Variants in MSRA observed in about 807,000 individuals in gnomAD.
MSRA encodes methionine sulfoxide reductase A, also known as mitochondrial peptide methionine sulfoxide reductase.
Under a neutral mutation model 31.3 loss-of-function variants are expected in MSRA, and 54 were observed. The ratio of observed to expected loss-of-function variants is 1.73; its 90% CI spans 1.39 to 2.17. The LOEUF is 2.17. Ranked by LOEUF, MSRA falls within the 30% of genes most tolerant of loss-of-function variation. MSRA has a pLI of 0.00. For missense variants in MSRA, 507 were observed against 300.9 expected (o/e 1.69, Z -5.07); for synonymous variants, 169 against 116.5 (o/e 1.45, Z -2.90).
rs750163008 is a variant in MSRA at position 10,428,262 on chromosome 8, T to C, written c.658T>C (p.Cys220Arg). The C allele has an allele frequency of 3.7e-6, 6 of 1,613,990 alleles. No homozygotes were observed. Among genetic ancestry groups the C allele is most frequent in the Non-Finnish European group, 4.2e-6 (5 of 1,179,976 alleles). The change falls in exon 6 of 6, where the codon TGC (cysteine) becomes CGC (arginine). Residue 220 changes from cysteine (C) to arginine (R), a missense_variant. By Grantham distance (180) the Cys-to-Arg change is radical (BLOSUM62 -3). Coordinates refer to ENST00000317173, the MANE Select transcript of MSRA (RefSeq NM_012331.5). ...CCTGAGCAAGAACCCCAATGGCTAC[T>C]GCGGCCTTGGGGGCACCGGCGTGTC... ...QYLSKNPNGY[C>R]GLGGTGVSCP...
chr8:10,408,590 T>C (rs1807964349), intron 5 of MSRA, among the ~76,000 whole-genome samples: 2 of 152,196 alleles, frequency 1.3e-5, no homozygotes, highest in African/African-American at 4.8e-5. Flanking sequence ...CAGGTTTTAA[T>C]TTAATTTGTT....
intron 5 of MSRA, among the ~76,000 whole-genome samples, chr8:10,404,230 A>G (rs1226327673): frequency 1.3e-5 from 2 of 152,100 alleles, no homozygotes; most frequent in South Asian, 2.1e-4. Context: ...CTCCTCCTCC[A>G]CAAATAGCAA....
intron 5 of MSRA, among the ~76,000 whole-genome samples, chr8:10,367,555 G>A (rs1221612320): frequency 3.9e-5 from 6 of 152,248 alleles, no homozygotes; most frequent in African/African-American, 1.4e-4. Flanking sequence ...GGCATGCACT[G>A]TAGGTCTTAT....
intron 2 of MSRA, among the ~76,000 whole-genome samples, chr8:10,212,163 G>A (rs564008949): frequency 2.0e-5 from 3 of 151,778 alleles, no homozygotes; most frequent in South Asian, 4.2e-4. Context: ...CTCCAGCCTA[G>A]GTAACAGAGC....
At chr8:10,297,400 G>A (rs1249643092) in intron 3 of MSRA, among the ~76,000 whole-genome samples, 3 of 152,178 alleles carry the variant, frequency 2.0e-5, no homozygotes, top group Non-Finnish European at 4.4e-5. Flanking sequence ...TAACAAGCAT[G>A]TTTGCACGTC....
intron 3 of MSRA, among the ~76,000 whole-genome samples, chr8:10,295,398 C>G (rs552536134): frequency 2.2e-5 from 3 of 134,518 alleles, no homozygotes. Flanking sequence ...CGTTCTTACT[C>G]CTTCCTTCTC....
At chr8:10,296,044 T>C (rs1800523596) in intron 3 of MSRA, among the ~76,000 whole-genome samples, 1 of 152,174 alleles carries the variant, frequency 6.6e-6, no homozygotes. Context: ...GGGTAATCGC[T>C]TTGAGAAATG....
chr8:10,399,467 G>A (rs756052932), intron 5 of MSRA, among the ~76,000 whole-genome samples: 3 of 152,106 alleles, frequency 2.0e-5, no homozygotes, highest in Non-Finnish European at 4.4e-5. Flanking sequence ...TTCACGTGAG[G>A]GTGTGGTGCC....
chr8:10,220,066 A>G lies in MSRA; in HGVS notation c.211+12165A>G, dbSNP rs376950682. On this transcript the variant is annotated intron_variant, in intron 2 of 5. Transcript: ENST00000317173. Reference sequence around the variant, plus strand: ...TACCTTAGGCCCAAGTAGTGTGAACAGTGATGCAAGAACCTGTGAACTTTC... The same window carrying G: ...TACCTTAGGCCCAAGTAGTGTGAACGGTGATGCAAGAACCTGTGAACTTTC... Among the ~76,000 whole-genome samples, 4 of 152,292 alleles carry G rather than the reference A, an allele frequency of 2.6e-5. No homozygotes were observed. The East Asian group carries it at 5.8e-4, about 22-fold the overall frequency.
At chr8:10,421,416 G>A (rs1381872604) in intron 5 of MSRA, among the ~76,000 whole-genome samples, 1 of 152,160 alleles carries the variant, frequency 6.6e-6, no homozygotes, top group African/African-American at 2.4e-5. Flanking sequence ...TGGGCTCTGG[G>A]TCTCAATGCC....
At chr8:10,422,590 A>G (rs920366253) in intron 5 of MSRA, among the ~76,000 whole-genome samples, 1 of 152,194 alleles carries the variant, frequency 6.6e-6, no homozygotes, top group Non-Finnish European at 1.5e-5. Flanking sequence ...AGCAAGACAC[A>G]CACACAAAAA....
intron 5 of MSRA, among the ~76,000 whole-genome samples, chr8:10,359,356 A>G (rs1012546586): frequency 2.6e-4 from 40 of 152,014 alleles, no homozygotes; most frequent in Non-Finnish European, 4.1e-4. Context: ...TTTGTTTTAT[A>G]TACTGGTTTT....
intron 5 of MSRA, among the ~76,000 whole-genome samples, chr8:10,338,024 G>T (rs562605399): frequency 6.6e-6 from 1 of 152,088 alleles, no homozygotes; most frequent in Non-Finnish European, 1.5e-5. Context: ...CCTAAGGGGT[G>T]ATCAAAGAGC....
At chr8:10,078,088 C>T (rs1394450184) in intron 1 of MSRA, among the ~76,000 whole-genome samples, 1 of 152,194 alleles carries the variant, frequency 6.6e-6, no homozygotes, top group Non-Finnish European at 1.5e-5. Flanking sequence ...TTTAGAACTG[C>T]CCTAAAGCCA....
At chr8:10,270,422 A>C (rs1019442197) in intron 3 of MSRA, among the ~76,000 whole-genome samples, 1 of 136,810 alleles carries the variant, frequency 7.3e-6, no homozygotes, top group Admixed American at 7.5e-5. Flanking sequence ...AAAAAAAAAA[A>C]ACTATCCTCT....
At chr8:10,170,895 C>T (rs144327224) in intron 1 of MSRA, among the ~76,000 whole-genome samples, 197 of 152,330 alleles carry the variant, frequency 1.3e-3, no homozygotes, top group African/African-American at 4.5e-3. Context: ...TGATTTCTTC[C>T]TTTGCTATCT....
intron 3 of MSRA, among the ~76,000 whole-genome samples, chr8:10,285,507 G>A (rs1364801444): frequency 6.6e-6 from 1 of 152,110 alleles, no homozygotes; most frequent in East Asian, 1.9e-4. Flanking sequence ...ACCTTCAAAA[G>A]CTGCTCTTCT....
rs1809340407 is a variant in MSRA at position 10,428,493 on chromosome 8, C to T, written c.*181C>T. On this transcript the variant is annotated 3_prime_UTR_variant, in exon 6 of 6. Transcript: ENST00000317173. ...GCGATGGCAAGTTGATAAAATGTGA[C>T]TTATCTCCTAATAAGTTATGGTGGG... 3 of 632,636 alleles carry T rather than the reference C, an allele frequency of 4.7e-6. No homozygotes were observed. The highest frequency in any genetic ancestry group is 1.9e-5 in the South Asian group (1 of 51,624). 39.2% of individuals were successfully genotyped at this position (632,636 alleles called of 1,614,324 possible).
At chr8:10,128,071 G>A (rs1274817172) in intron 1 of MSRA, among the ~76,000 whole-genome samples, 1 of 152,004 alleles carries the variant, frequency 6.6e-6, no homozygotes, top group Non-Finnish European at 1.5e-5. Flanking sequence ...TATTTTTCAA[G>A]AGACCTTTAA....
Sources: gnomAD v4.1 joint callset for allele counts (sites outside exome capture counted in the v4.1 genomes callset) on GRCh38, gnomAD v4.1.1 for gene constraint, MANE v1.5 for transcripts, NCBI Gene and HGNC (gene_info 2026-07-23, HGNC 2026-07-21) for gene names.